Variants in CEP44 observed in about 807,000 individuals in gnomAD.
The protein encoded by CEP44 is centrosomal protein 44.
In CEP44, 45 loss-of-function variants were observed where a neutral mutation model predicts 46.7. The observed-to-expected ratio is 0.96, with a 90% confidence interval of 0.76 to 1.24. CEP44 has a LOEUF of 1.24. CEP44 is among the 50% of genes most tolerant of loss of function. The pLI, the probability that CEP44 is intolerant of heterozygous loss-of-function variation, is 0.00. For missense variants in CEP44, 475 were observed against 459.7 expected (o/e 1.03, Z -0.30); for synonymous variants, 142 against 146.0 (o/e 0.97, Z 0.20).
At position 174,326,113 on chromosome 4, in the gene CEP44, A is replaced by G. The variant is rs1742648052; in HGVS notation, c.1087-5369A>G. 6.6e-6 allele frequency among the ~76,000 whole-genome samples: 1 copy of G among 151,904 alleles called. No individual in the cohort carries two copies. The highest frequency in any genetic ancestry group is 1.5e-5 in the Non-Finnish European group (1 of 67,968). ...CTTCTTATATTTGTTTTCTGTTTTT[A>G]TCATTTGTTCTTAGCTGCTTTTTTG... is the stretch of plus-strand genomic sequence containing the variant. On this transcript the variant is annotated intron_variant, in intron 8 of 8. Transcript: ENST00000426172. The surrounding 1 kb of genome is among the most constrained non-coding windows in gnomAD (Gnocchi z 4.8).
At chr4:174,308,969 A>T in intron 7 of CEP44, 110 bp downstream of exon 7, 2 of 921,146 alleles carry the variant, frequency 2.2e-6, no homozygotes, top group Non-Finnish European at 3.4e-6. Context: ...ATTATTAATC[A>T]TGACATTTTA....
chr4:174,295,121 C>T (rs1180688274), intron 1 of CEP44, among the ~76,000 whole-genome samples: 23 of 146,308 alleles, frequency 1.6e-4, no homozygotes, highest in South Asian at 1.1e-3. Flanking sequence ...GCTGGCCTGG[C>T]GGGGGCTGAC....
At chr4:174,315,425 C>T (rs772113794) in intron 9 of CEP44, among the ~76,000 whole-genome samples, 1 of 152,034 alleles carries the variant, frequency 6.6e-6, no homozygotes, top group Non-Finnish European at 1.5e-5. Context: ...AAAAAGAAAT[C>T]TGTGGATCTT....
intron 6 of CEP44, among the ~76,000 whole-genome samples, 195 bp from the exon 7 acceptor site, chr4:174,308,494 G>C (rs1003565495): frequency 6.6e-6 from 1 of 152,100 alleles, no homozygotes; most frequent in African/African-American, 2.4e-5. Flanking sequence ...AGGGTAGGAG[G>C]AGGTTCAGGA....
At position 174,286,624 on chromosome 4, in the gene CEP44, C is replaced by A. The variant is rs1737614192; in HGVS notation, c.-148+2681C>A. 6.6e-6 allele frequency among the ~76,000 whole-genome samples: 1 copy of A among 152,182 alleles called. No individual in the cohort carries two copies. Among genetic ancestry groups the A allele is most frequent in the Non-Finnish European group, 1.5e-5 (1 of 68,034 alleles). The stretch of plus-strand genomic sequence containing the variant: ...TTATAGTTCAGAAACTTACCTCCTT[C>A]CAGCAAAGGTTCTTAATCGTTTATA... On this transcript the variant is annotated intron_variant, in intron 1 of 11. Coordinates refer to ENST00000503780, the MANE Select transcript of CEP44 (RefSeq NM_001040157.3). The surrounding 1 kb of genome is among the most constrained non-coding windows in gnomAD (Gnocchi z 5.2).
intron 5 of CEP44, among the ~76,000 whole-genome samples, 181 bp from the exon 6 acceptor site, chr4:174,304,066 A>G (rs1740078102): frequency 6.6e-6 from 1 of 152,208 alleles, no homozygotes; most frequent in African/African-American, 2.4e-5. Context: ...TGTTAAACTA[A>G]TAGTTCAAAC....
chr4:174,316,262 A>G lies in CEP44; in HGVS notation c.1058A>G (p.Asn353Ser). The part of the protein sequence containing the change: ...SDSTPRASTV[N>S]YCGLNEISEE... ...TCAACTCCCAGAGCCTCTACTGTTA[A>G]TTACTGTGGTTTGAATGAGATTTCA... Residue 353 changes from asparagine to serine, a missense_variant, in exon 10 of 12, where the codon AAT becomes AGT. Asn to Ser is a conservative substitution (Grantham distance 46, BLOSUM62 1). Transcript: ENST00000503780. 1 of 1,611,268 alleles carries G rather than the reference A, an allele frequency of 6.2e-7. No individual in the cohort carries two copies. The highest frequency in any genetic ancestry group is 8.5e-7 in the Non-Finnish European group (1 of 1,177,406).
In CEP44 at chr4:174,297,626, C is replaced by T. The variant is rs192343372; in HGVS notation, c.-147-340C>T. On this transcript the variant is annotated intron_variant, in intron 1 of 11. Transcript: ENST00000503780. This position sits in a 1 kb window ranked among gnomAD's most constrained non-coding sequence, Gnocchi z 4.3. The stretch of plus-strand genomic sequence containing the variant: ...ATGTAAGTCTAACAGCTTCTTGAGG[C>T]TGAGATATAGGAAGAAACTTTATTA... Among the ~76,000 whole-genome samples, 1 of 151,054 alleles carries T rather than the reference C, an allele frequency of 6.6e-6. No homozygotes were observed. The highest frequency in any genetic ancestry group is 2.0e-4 in the East Asian group (1 of 5,104).
Position 174,320,255 on chromosome 4 carries a change from T to A in CEP44, c.*2872T>A. 1 of 984,362 alleles carries A rather than the reference T, an allele frequency of 1.0e-6. No homozygotes were observed. The highest frequency in any genetic ancestry group is 1.2e-6 in the Non-Finnish European group (1 of 829,042). The allele number at this position is 984,362 out of a possible 1,614,324, so 61.0% of individuals were successfully genotyped here. A position where few individuals can be genotyped will look rare whatever the true frequency, so the allele number is the denominator to read the frequency against. ...GAGTTGGAAAAAAGTAATTCTATCATGTTTGCTTGTTTTCCTCTACTGTTT... is the reference window on the plus strand; with the variant it reads ...GAGTTGGAAAAAAGTAATTCTATCAAGTTTGCTTGTTTTCCTCTACTGTTT... On this transcript the variant is annotated 3_prime_UTR_variant, in exon 12 of 12. Coordinates refer to ENST00000503780, the MANE Select transcript of CEP44 (RefSeq NM_001040157.3).
At chr4:174,324,999 T>G (rs1267400298), downstream of CEP44, among the ~76,000 whole-genome samples, 2 of 152,200 alleles carry the variant, frequency 1.3e-5, no homozygotes, top group African/African-American at 4.8e-5. Flanking sequence ...GGTTTTGTGT[T>G]GGGCCTTCCC....
At position 174,326,407 on chromosome 4, in the gene CEP44, C is replaced by T. The variant is rs188325760; in HGVS notation, c.1087-5075C>T. On this transcript the variant is annotated intron_variant, in intron 8 of 8. Coordinates refer to the CEP44 transcript ENST00000426172. The surrounding 1 kb of genome is among the most constrained non-coding windows in gnomAD (Gnocchi z 4.8). ...TTTTAAGTATAACATAAGAGCCTTA[C>T]GATAATATACTTTTCATTCTTTCTG... 2.5e-4 allele frequency among the ~76,000 whole-genome samples: 38 copies of T among 151,962 alleles called. No homozygotes were observed. Among genetic ancestry groups the T allele is most frequent in the African/African-American group, 7.7e-4 (32 of 41,500 alleles).
rs1423467881 is a variant in CEP44, at chr4:174,317,457, A to G, written c.*74A>G. On this transcript the variant is annotated 3_prime_UTR_variant, in exon 12 of 12. Coordinates refer to ENST00000503780, the MANE Select transcript of CEP44 (RefSeq NM_001040157.3). ...GTATATTTTAAGAATTCTTTATACAATTTTAATATACTGCAATACTGCAGT... is the reference window on the plus strand; with the variant it reads ...GTATATTTTAAGAATTCTTTATACAGTTTTAATATACTGCAATACTGCAGT... The G allele has an allele frequency of 3.9e-6, 5 of 1,296,332 alleles. No individual in the cohort carries two copies. The highest frequency in any genetic ancestry group is 2.9e-5 in the East Asian group (1 of 34,408). The allele number at this position is 1,296,332 out of a possible 1,614,324, so 80.3% of individuals were successfully genotyped here.
intron 2 of CEP44, 58 bp from the exon 3 acceptor site, chr4:174,299,014 T>A (rs1739399153): frequency 1.1e-6 from 1 of 947,234 alleles, no homozygotes; most frequent in African/African-American, 1.7e-5. Flanking sequence ...CAAAATAGAA[T>A]CAAGAAGCTT....
upstream of CEP44, chr4:174,283,821 G>T: frequency 2.5e-6 from 1 of 398,768 alleles, no homozygotes; most frequent in South Asian, 1.3e-4. The surrounding 1 kb of genome is among the most constrained non-coding windows in gnomAD (Gnocchi z 6.7). Context: ...GTTAGAAGTG[G>T]ACTGGCCATT....
At chr4:174,307,388 C>G (rs1450554061) in intron 6 of CEP44, among the ~76,000 whole-genome samples, 1 of 152,158 alleles carries the variant, frequency 6.6e-6, no homozygotes, top group Non-Finnish European at 1.5e-5. Flanking sequence ...GTAAATGGTG[C>G]TTTGATAACT....
In CEP44 at chr4:174,301,113, TTC is replaced by T. The variant is rs1050745905; in HGVS notation, c.90-922_90-921del. ...ATGCAGTGCTATCATCATGTATTTG[TTC>T]TCTGTCTTACTAAAAATTTGGGTGG... On this transcript the variant is annotated intron_variant, in intron 3 of 11. Transcript: ENST00000503780. This position sits in a 1 kb window ranked among gnomAD's most constrained non-coding sequence, Gnocchi z 4.3. Among the ~76,000 whole-genome samples the T allele has an allele frequency of 2.0e-5, 3 of 152,216 alleles. No homozygotes were observed. Among genetic ancestry groups the T allele is most frequent in the African/African-American group, 7.2e-5 (3 of 41,470 alleles).
rs772266556 is a variant in CEP44, at chr4:174,309,511, T to G, written c.679-339T>G. The stretch of plus-strand genomic sequence containing the variant: ...GTTTTTGGTCATTTCCTCTTAGCTT[T>G]GTGCTAAGCGTTGTTTCAAGAAGCT... On this transcript the variant is annotated intron_variant, in intron 7 of 11. Transcript: ENST00000503780. The surrounding 1 kb of genome is among the most constrained non-coding windows in gnomAD (Gnocchi z 5.3). 6.6e-6 allele frequency among the ~76,000 whole-genome samples: 1 copy of G among 152,074 alleles called. No homozygotes were observed. The highest frequency in any genetic ancestry group is 1.5e-5 in the Non-Finnish European group (1 of 67,964).
intron 8 of CEP44, among the ~76,000 whole-genome samples, chr4:174,330,140 G>GT (rs1731240373): frequency 6.6e-6 from 1 of 151,962 alleles, no homozygotes; most frequent in African/African-American, 2.4e-5. Flanking sequence ...ATATTTTGAC[G>GT]TATCTTATTT....
Position 174,316,152 on chromosome 4 carries a change from T to TC in CEP44, c.962-14_962-13insC, listed in dbSNP as rs1225306233. ...TGAAAGGAAAAGGTAATCTAAAACT[T>TC]AATTTCTTCACAGACAGAAAAAGCG... On this transcript the variant is annotated splice_polypyrimidine_tract_variant and intron_variant, in intron 9 of 11. Coordinates refer to ENST00000503780, the MANE Select transcript of CEP44 (RefSeq NM_001040157.3). 2 of 1,608,540 alleles carry TC rather than the reference T, an allele frequency of 1.2e-6. No individual in the cohort carries two copies. The highest frequency in any genetic ancestry group is 2.7e-5 in the African/African-American group (2 of 74,538).
Sources: allele counts gnomAD v4.1 joint callset (sites outside exome capture counted in the v4.1 genomes callset), GRCh38; gene constraint gnomAD v4.1.1; non-coding constraint Gnocchi (gnomAD v3.1); transcripts MANE v1.5; gene names NCBI Gene and HGNC (gene_info 2026-07-23, HGNC 2026-07-21).